Variants in TMEM154 observed in about 807,000 individuals in gnomAD.
The protein encoded by TMEM154 is transmembrane protein 154.
In TMEM154, 27 loss-of-function variants were observed where a neutral mutation model predicts 24.5. That is an observed-to-expected ratio of 1.10 (90% confidence interval 0.81 to 1.52). TMEM154 has a LOEUF of 1.52. TMEM154 is among the 40% of genes most tolerant of loss of function. The probability of loss-of-function intolerance (pLI) is 0.00; values close to 1 mark genes in which losing one functional copy is unlikely to be tolerated. For missense variants in TMEM154, 228 were observed against 213.4 expected, an observed-to-expected ratio of 1.07 and a Z score of -0.43; for synonymous variants, 67 against 76.8, an observed-to-expected ratio of 0.87 and a Z score of 0.67.
rs60051091 is a variant in TMEM154, at chr4:152,639,568, ATC to A, written c.536+1358_536+1359del. Among the ~76,000 whole-genome samples the A allele has an allele frequency of 1.5e-4, 22 of 142,842 alleles. No individual in the cohort carries two copies. In the East Asian group the frequency reaches 2.5e-3, roughly 16 times the overall value. 93.7% of individuals were successfully genotyped at this position (142,842 alleles called of 152,430 possible). A position where few individuals can be genotyped will look rare whatever the true frequency, so the allele number is the denominator to read the frequency against. ...TTTTCTTCCACCTGCTTGTTAATCA[ATC>A]TCTCTCTCTCTCTCTCTCCCCCTCT... is the stretch of plus-strand genomic sequence containing the variant. On this transcript the variant is annotated intron_variant, in intron 6 of 6. Transcript: ENST00000304385.
chr4:152,632,337 C>T (rs540616299), intron 6 of TMEM154, among the ~76,000 whole-genome samples: 2 of 152,316 alleles, frequency 1.3e-5, no homozygotes, highest in South Asian at 2.1e-4. Flanking sequence ...AATGCACTTG[C>T]TATGAAATGT....
In TMEM154 at chr4:152,621,624, T is replaced by A. The variant is rs546195597; in HGVS notation, c.*6922A>T. ...CCTGTTGTTTGTCAATAATACTGAC[T>A]GGTCTTTGTGAGCCGAAAGAATAAA... On this transcript the variant is annotated 3_prime_UTR_variant, in exon 7 of 7. Transcript: ENST00000304385. 1 of 152,354 alleles carries A rather than the reference T, an allele frequency of 6.6e-6. No homozygotes were observed. Among genetic ancestry groups the A allele is most frequent in the South Asian group, 2.1e-4 (1 of 4,830 alleles). 9.4% of individuals were successfully genotyped at this position (152,354 alleles called of 1,614,324 possible).
intron 1 of TMEM154, among the ~76,000 whole-genome samples, chr4:152,664,490 T>C (rs1728679260): frequency 6.6e-6 from 1 of 152,174 alleles, no homozygotes; most frequent in Non-Finnish European, 1.5e-5. Context: ...CACATATACC[T>C]ATGTAACAAA....
At position 152,628,643 on chromosome 4, in the gene TMEM154, T is replaced by TA. The variant is rs1751969820; in HGVS notation, c.537-83_537-82insT. The TA allele has an allele frequency of 2.4e-6, 3 of 1,231,582 alleles. No individual in the cohort carries two copies. The Admixed American group carries it at 1.1e-4, about 45-fold the overall frequency. The allele number at this position is 1,231,582 out of a possible 1,614,324, so 76.3% of individuals were successfully genotyped here. A position where few individuals can be genotyped will look rare whatever the true frequency, so the allele number is the denominator to read the frequency against. ...AAACAGTAATATATTTCTTTCTTTT[T>TA]TTTTTTTTTTTGAGACGGAGTCTGG... is the stretch of plus-strand genomic sequence containing the variant. On this transcript the variant is annotated intron_variant, in intron 6 of 6. Transcript: ENST00000304385.
At chr4:152,658,260 A>T (rs1392672778) in intron 1 of TMEM154, among the ~76,000 whole-genome samples, 1 of 152,220 alleles carries the variant, frequency 6.6e-6, no homozygotes, top group Non-Finnish European at 1.5e-5. Flanking sequence ...GAAACACACC[A>T]TGCTAAAACC....
chr4:152,631,697 C>T (rs368594364), intron 6 of TMEM154, among the ~76,000 whole-genome samples: 48 of 151,256 alleles, frequency 3.2e-4, no homozygotes, highest in African/African-American at 1.1e-3. Flanking sequence ...TCTCAAAGTG[C>T]TGGGGTTACA....
chr4:152,632,638 A>C (rs2149778005), intron 6 of TMEM154, among the ~76,000 whole-genome samples: 1 of 152,328 alleles, frequency 6.6e-6, no homozygotes, highest in East Asian at 1.9e-4. Context: ...TAAGAATCTG[A>C]ACATTTTATA....
rs540030541 is a variant in TMEM154, at chr4:152,635,254, C to T, written c.536+5674G>A. ...TATTAGCCTCATGGTGGCTGGCTTT[C>T]TTGCTGCTGAGTGTTCTTCTTTTTC... On this transcript the variant is annotated intron_variant, in intron 6 of 6. Transcript: ENST00000304385. Among the ~76,000 whole-genome samples the T allele has an allele frequency of 1.1e-4, 17 of 152,326 alleles. No individual in the cohort carries two copies. The East Asian group carries it at 3.1e-3, about 28-fold the overall frequency.
intron 6 of TMEM154, among the ~76,000 whole-genome samples, chr4:152,631,293 A>G (rs1253747514): frequency 1.3e-5 from 2 of 152,122 alleles, no homozygotes; most frequent in Non-Finnish European, 2.9e-5. Context: ...TGTGAGTCCA[A>G]TAGGTGAAAA....
chr4:152,679,244 T>C (rs139546081), intron 1 of TMEM154, among the ~76,000 whole-genome samples: 83 of 148,132 alleles, frequency 5.6e-4, no homozygotes, highest in African/African-American at 2.1e-3. Context: ...TTAGTAACAA[T>C]CAATGCAAAA....
At chr4:152,665,224 C>CTAAA (rs1159003895) in intron 1 of TMEM154, among the ~76,000 whole-genome samples, 1 of 152,218 alleles carries the variant, frequency 6.6e-6, no homozygotes, top group Non-Finnish European at 1.5e-5. Context: ...ATCGATCAAT[C>CTAAA]TAAATATTTA....
chr4:152,661,286 C>CTCTTTCTCTT, intron 1 of TMEM154, among the ~76,000 whole-genome samples: 2 of 25,820 alleles, frequency 7.7e-5, no homozygotes, highest in African/African-American at 2.8e-4. Flanking sequence ...TGTTCTCTTT[C>CTCTTTCTCTT]TCTCTCTCTC....
rs983115145 is a variant in TMEM154 at position 152,622,826 on chromosome 4, C to G, written c.*5720G>C. Reference sequence around the variant, plus strand: ...TTTACAAATTAGTTCTAATCCGTAGCAATGGGACCATTTCTTTTTCTTTTC... The same window carrying G: ...TTTACAAATTAGTTCTAATCCGTAGGAATGGGACCATTTCTTTTTCTTTTC... On this transcript the variant is annotated 3_prime_UTR_variant, in exon 7 of 7. Transcript: ENST00000304385. The G allele has an allele frequency of 6.6e-6, 1 of 152,144 alleles. No homozygotes were observed. Among genetic ancestry groups the G allele is most frequent in the African/African-American group, 2.4e-5 (1 of 41,430 alleles). 9.4% of individuals were successfully genotyped at this position (152,144 alleles called of 1,614,324 possible).
Position 152,628,299 on chromosome 4 carries a change from C to T in TMEM154, c.*247G>A, listed in dbSNP as rs1751953195. On this transcript the variant is annotated 3_prime_UTR_variant, in exon 7 of 7. Coordinates refer to ENST00000304385, the MANE Select transcript of TMEM154 (RefSeq NM_152680.3). The stretch of plus-strand genomic sequence containing the variant: ...AAGTGAGCACATCACCCGCCTCCTT[C>T]TCCACCCTCAGAGGCAGCGATGGAT... 1 of 632,146 alleles carries T rather than the reference C, an allele frequency of 1.6e-6. No individual in the cohort carries two copies. Among genetic ancestry groups the T allele is most frequent in the South Asian group, 2.0e-5 (1 of 50,320 alleles). The allele number at this position is 632,146 out of a possible 1,614,324, so 39.2% of individuals were successfully genotyped here.
intron 1 of TMEM154, among the ~76,000 whole-genome samples, chr4:152,675,869 G>C (rs892373748): frequency 5.3e-5 from 8 of 152,210 alleles, no homozygotes; most frequent in Non-Finnish European, 7.3e-5. Flanking sequence ...GCCCATCCCA[G>C]TCAATATCTT....
chr4:152,625,843 C>G lies in TMEM154; in HGVS notation c.*2703G>C, dbSNP rs1254057423. On this transcript the variant is annotated 3_prime_UTR_variant, in exon 7 of 7. Transcript: ENST00000304385. Reference sequence around the variant, plus strand: ...CTTGAGCCCAGGAGTTTGAAACCAGCCTGGGCAACATAGTGAGACCCTGTC... The same window carrying G: ...CTTGAGCCCAGGAGTTTGAAACCAGGCTGGGCAACATAGTGAGACCCTGTC... 1 of 152,116 alleles carries G rather than the reference C, an allele frequency of 6.6e-6. No individual in the cohort carries two copies. Among genetic ancestry groups the G allele is most frequent in the Admixed American group, 6.5e-5 (1 of 15,268 alleles). The allele number at this position is 152,116 out of a possible 1,614,324, so 9.4% of individuals were successfully genotyped here.
intron 6 of TMEM154, among the ~76,000 whole-genome samples, chr4:152,632,659 C>T (rs1752069437): frequency 2.0e-5 from 3 of 152,280 alleles, no homozygotes; most frequent in South Asian, 4.1e-4. Context: ...TTATCACCTG[C>T]ATTTTTTCAG....
At chr4:152,653,200 A>G (rs1366180724) in intron 1 of TMEM154, among the ~76,000 whole-genome samples, 1 of 152,222 alleles carries the variant, frequency 6.6e-6, no homozygotes, top group Admixed American at 6.5e-5. Flanking sequence ...GCTTAAGCAA[A>G]GTGGATTCGG....
In TMEM154 at chr4:152,644,978, TTAAA is replaced by T. The variant is rs563579661; in HGVS notation, c.365-540_365-537del. On this transcript the variant is annotated intron_variant, in intron 3 of 6. Transcript: ENST00000304385. ...TCCCTCACAACTTCAGGGTCCCAGCTTAAATACTCTTTCCTCGGGGAGGCCTTCC... is the reference window on the plus strand; with the variant it reads ...TCCCTCACAACTTCAGGGTCCCAGCTTACTCTTTCCTCGGGGAGGCCTTCC... Among the ~76,000 whole-genome samples the T allele has an allele frequency of 1.2e-4, 19 of 152,302 alleles. No individual in the cohort carries two copies. The East Asian group carries it at 3.3e-3, about 26-fold the overall frequency.
Sources: gnomAD v4.1 joint callset for allele counts (sites outside exome capture counted in the v4.1 genomes callset) on GRCh38, gnomAD v4.1.1 for gene constraint, MANE v1.5 for transcripts, NCBI Gene and HGNC (gene_info 2026-07-23, HGNC 2026-07-21) for gene names.